Variants in MGAM observed in about 807,000 individuals in gnomAD.
MGAM encodes maltase-glucoamylase.
MGAM carries 253 observed loss-of-function variants against 358.8 expected under a neutral mutation model. The ratio of observed to expected loss-of-function variants is 0.71; its 90% CI spans 0.64 to 0.78. The LOEUF (loss-of-function observed/expected upper bound fraction) is 0.78, where lower values mean the gene tolerates loss of function less well. Ranked by LOEUF, MGAM falls within the 30% of genes least tolerant of loss-of-function variation. The pLI is 0.00. For missense variants in MGAM, 3,080 were observed against 3,432.6 expected (o/e 0.90, Z 2.57); for synonymous variants, 1,105 against 1,227.1 (o/e 0.90, Z 2.08).
chr7:142,039,525 G>A (rs73153958), intron 19 of MGAM, among the ~76,000 whole-genome samples: 2,567 of 152,112 alleles, frequency 0.017, 60 homozygotes, highest in Admixed American at 0.071. Flanking sequence ...CTCCCTCCAG[G>A]CCCCACCTCC....
chr7:142,020,497 T>C (rs1411015521), intron 4 of MGAM, among the ~76,000 whole-genome samples: 2 of 151,928 alleles, frequency 1.3e-5, no homozygotes, highest in African/African-American at 2.4e-5. Flanking sequence ...CTGCCATAGA[T>C]AGTATGTGCG....
At chr7:142,061,481 C>T (rs1427501670) in intron 34 of MGAM, among the ~76,000 whole-genome samples, 1 of 152,128 alleles carries the variant, frequency 6.6e-6, no homozygotes, top group Non-Finnish European at 1.5e-5. Flanking sequence ...TCCTTGACTG[C>T]CAGACCCATA....
intron 53 of MGAM, 82 bp downstream of exon 53, chr7:142,083,495 C>A: frequency 1.0e-6 from 1 of 968,470 alleles, no homozygotes; most frequent in South Asian, 1.8e-5. Context: ...GTATAACTCT[C>A]AGATGATAAC....
At chr7:142,045,534 ATATAT>A (rs1242929042) in intron 21 of MGAM, among the ~76,000 whole-genome samples, 1 of 95,718 alleles carries the variant, frequency 1.0e-5, no homozygotes, top group Non-Finnish European at 1.8e-5. Context: ...ATGATATAAT[ATATAT>A]TATATATACA....
Position 142,105,966 on chromosome 7 carries a change from G to A in MGAM, c.*75G>A, listed in dbSNP as rs981427601. 84 of 1,183,296 alleles carry A rather than the reference G, an allele frequency of 7.1e-5. No individual in the cohort carries two copies. The highest frequency in any genetic ancestry group is 1.9e-4 in the Middle Eastern group (1 of 5,142). 73.3% of individuals were successfully genotyped at this position (1,183,296 alleles called of 1,614,324 possible). A position where few individuals can be genotyped will look rare whatever the true frequency, so the allele number is the denominator to read the frequency against. ...ATACTTCATACTCATAAAAATTATTGTGTGTTGCTAATTTGTTCATACCCA... is the reference window on the plus strand; with the variant it reads ...ATACTTCATACTCATAAAAATTATTATGTGTTGCTAATTTGTTCATACCCA... On this transcript the variant is annotated 3_prime_UTR_variant, in exon 71 of 71. Transcript: ENST00000475668.
chr7:142,059,770 G>A (rs1029510144), intron 32 of MGAM, 86 bp from the exon 33 acceptor site: 2 of 1,568,354 alleles, frequency 1.3e-6, no homozygotes, highest in Non-Finnish European at 1.7e-6. Flanking sequence ...AAGCCAGCGA[G>A]TTCACCCTTG....
chr7:142,081,621 A>G (rs566001417), intron 50 of MGAM, among the ~76,000 whole-genome samples: 1 of 146,196 alleles, frequency 6.8e-6, no homozygotes, highest in South Asian at 2.2e-4. Flanking sequence ...TCAGCCTTGA[A>G]GGCTTCATAA....
intron 3 of MGAM, among the ~76,000 whole-genome samples, chr7:142,018,267 A>G (rs1375016912): frequency 2.6e-5 from 4 of 152,122 alleles, no homozygotes; most frequent in Non-Finnish European, 5.9e-5. Context: ...GTGTTGTTGG[A>G]TTGAGAGCCT....
rs575700710 is a variant in MGAM at position 142,103,580 on chromosome 7, G to A, written c.8184+141G>A. 147 of 718,196 alleles carry A rather than the reference G, an allele frequency of 2.0e-4. No homozygotes were observed. The African/African-American group carries it at 2.3e-3, about 11-fold the overall frequency. 44.5% of individuals were successfully genotyped at this position (718,196 alleles called of 1,614,324 possible). A position where few individuals can be genotyped will look rare whatever the true frequency, so the allele number is the denominator to read the frequency against. ...CTGAGTTTTCCATGTGTTAGGAATG[G>A]ACCACGTGGAGATGAATGAAAAATC... On this transcript the variant is annotated intron_variant, in intron 70 of 70. Transcript: ENST00000475668.
At chr7:142,041,034 C>T (rs897219230) in intron 21 of MGAM, among the ~76,000 whole-genome samples, 188 bp downstream of exon 21, 5 of 152,132 alleles carry the variant, frequency 3.3e-5, no homozygotes, top group African/African-American at 1.2e-4. Flanking sequence ...GTCAGTTGAT[C>T]CCTCTGTCTG....
chr7:142,062,824 C>T lies in MGAM; in HGVS notation c.4257+122C>T, dbSNP rs1269061487. 50 of 1,497,080 alleles carry T rather than the reference C, an allele frequency of 3.3e-5. 1 individual carries two copies. The highest frequency in any genetic ancestry group is 4.0e-5 in the Non-Finnish European group (45 of 1,118,706). 92.7% of individuals were successfully genotyped at this position (1,497,080 alleles called of 1,614,324 possible). A position where few individuals can be genotyped will look rare whatever the true frequency, so the allele number is the denominator to read the frequency against. ...TGTCCAAAGAAGACTTTGGACATAG[C>T]AGACACTTCTTCCTCTCAGGAGAGG... On this transcript the variant is annotated intron_variant, in intron 35 of 70. Coordinates refer to ENST00000475668, the MANE Select transcript of MGAM (RefSeq NM_001365693.1).
In MGAM at chr7:142,036,994, T is replaced by C; in HGVS notation, c.2231+17T>C. ...TTTGCATGAGTAAGTTCACCTAACC[T>C]CCTTAAATTTTATTAATGCATCTGG... On this transcript the variant is annotated intron_variant, in intron 18 of 70. Coordinates refer to ENST00000475668, the MANE Select transcript of MGAM (RefSeq NM_001365693.1). 1 of 1,605,352 alleles carries C rather than the reference T, an allele frequency of 6.2e-7. No homozygotes were observed.
chr7:142,076,925 C>G, intron 47 of MGAM, 99 bp downstream of exon 47: 1 of 1,301,536 alleles, frequency 7.7e-7, no homozygotes, highest in African/African-American at 1.4e-5. Context: ...AGTACCAGGG[C>G]ACCTTTGATG....
In MGAM at chr7:142,093,722, G is replaced by A. The variant is rs188476892; in HGVS notation, c.7172+172G>A. On this transcript the variant is annotated intron_variant, in intron 60 of 70. Coordinates refer to ENST00000475668, the MANE Select transcript of MGAM (RefSeq NM_001365693.1). ...ACTTAGTGACATGGAGCCAGGCCCTGTGATTAAAAGGAGGAGGACAGATTT... is the reference window on the plus strand; with the variant it reads ...ACTTAGTGACATGGAGCCAGGCCCTATGATTAAAAGGAGGAGGACAGATTT... Among the ~76,000 whole-genome samples the A allele has an allele frequency of 7.4e-4, 109 of 146,554 alleles. 3 individuals are homozygous for A. The highest frequency in any genetic ancestry group is 2.6e-3 in the African/African-American group (107 of 41,216).
At chr7:141,988,014 G>T (rs565718648) in intron 2 of MGAM, among the ~76,000 whole-genome samples, 1 of 152,156 alleles carries the variant, frequency 6.6e-6, no homozygotes, top group Admixed American at 6.5e-5. Context: ...GAGGCTGGGC[G>T]TGGTGGCTCA....
At chr7:141,987,007 A>T (rs960210192) in intron 2 of MGAM, among the ~76,000 whole-genome samples, 1 of 152,196 alleles carries the variant, frequency 6.6e-6, no homozygotes, top group African/African-American at 2.4e-5. Flanking sequence ...GTAGACTATG[A>T]TTAGACATTT....
chr7:142,055,686 G>T lies in MGAM; in HGVS notation c.3443G>T (p.Trp1148Leu), dbSNP rs1261220607. Residue 1148 changes from tryptophan to leucine, a missense_variant, in exon 28 of 71, where the codon TGG becomes TTG. Physicochemically the swap from Trp to Leu is moderately conservative, Grantham distance 61. Around this residue, in one of 5 missense-constraint regions of MGAM, gnomAD observed 1,816 missense variants for 1,840.5 expected, o/e 0.99. Coordinates refer to ENST00000475668, the MANE Select transcript of MGAM (RefSeq NM_001365693.1). ...EHRSYRRDLE[W>L]HTWGMFSRDQ... ...AGGTCCTATAGGAGAGACTTGGAGT[G>T]GCACACTTGGGGGATGTTCTCCCGA... 2.5e-6 allele frequency: 4 copies of T among 1,613,790 alleles called. No homozygotes were observed. Among genetic ancestry groups the T allele is most frequent in the Non-Finnish European group, 3.4e-6 (4 of 1,179,882 alleles).
At chr7:142,006,697 G>C (rs1295051960) in intron 2 of MGAM, among the ~76,000 whole-genome samples, 5 of 152,082 alleles carry the variant, frequency 3.3e-5, no homozygotes, top group Non-Finnish European at 5.9e-5. Flanking sequence ...TTAAGGTTCT[G>C]CTCTTGTTTG....
intron 68 of MGAM, among the ~76,000 whole-genome samples, chr7:142,101,720 A>G (rs2129066781): frequency 6.6e-6 from 1 of 151,832 alleles, no homozygotes; most frequent in African/African-American, 2.4e-5. Context: ...AGCCTGACCA[A>G]CATGCAGAAA....
Sources: allele counts gnomAD v4.1 joint callset (sites outside exome capture counted in the v4.1 genomes callset), GRCh38; gene constraint gnomAD v4.1.1; regional missense constraint gnomAD v4.1.1; transcripts MANE v1.5; gene names NCBI Gene and HGNC (gene_info 2026-07-23, HGNC 2026-07-21).